The following PALM2AKAP2 variants were observed in gnomAD, a reference collection of about 807,000 sequenced individuals.
The protein encoded by PALM2AKAP2 is PALM2 and AKAP2 fusion.
PALM2AKAP2 carries 37 observed loss-of-function variants against 71.5 expected under a neutral mutation model. The observed-to-expected ratio is 0.52, with a 90% CI of 0.40 to 0.68. The LOEUF (loss-of-function observed/expected upper bound fraction) is 0.68. PALM2AKAP2 is among the 30% of genes least tolerant of loss of function. The pLI, the probability that PALM2AKAP2 is intolerant of heterozygous loss-of-function variation, is 0.00. For missense variants in PALM2AKAP2, 1,224 were observed against 1,191.8 expected, an observed-to-expected ratio of 1.03 and a Z score of -0.40; for synonymous variants, 468 against 478.8, an observed-to-expected ratio of 0.98 and a Z score of 0.29.
intron 3 of PALM2AKAP2, among the ~76,000 whole-genome samples, chr9:110,160,580 G>A (rs569833874): frequency 1.3e-5 from 2 of 152,282 alleles, no homozygotes; most frequent in South Asian, 4.1e-4. Flanking sequence ...TGATTCATTA[G>A]TCCATCCTGA....
chr9:110,020,886 T>C (rs1420964486), intron 7 of PALM2AKAP2, among the ~76,000 whole-genome samples: 1 of 152,030 alleles, frequency 6.6e-6, no homozygotes. Flanking sequence ...GGTGGGTAGA[T>C]CACTTGAGGC....
At chr9:110,003,009 G>A (rs1193166812) in intron 6 of PALM2AKAP2, among the ~76,000 whole-genome samples, 1 of 152,084 alleles carries the variant, frequency 6.6e-6, no homozygotes, top group Non-Finnish European at 1.5e-5. Flanking sequence ...TTTTTTGAAG[G>A]GTTTTTTGTG....
intron 1 of PALM2AKAP2, among the ~76,000 whole-genome samples, chr9:110,088,869 G>T (rs1834641177): frequency 2.0e-5 from 3 of 151,768 alleles, no homozygotes; most frequent in Non-Finnish European, 4.4e-5. Context: ...ACAGCTTCAA[G>T]CCACCACGCC....
rs560818793 is a variant in PALM2AKAP2 at position 110,015,085 on chromosome 9, A to G, written c.497-869A>G. Among the ~76,000 whole-genome samples, 6 of 152,148 alleles carry G rather than the reference A, an allele frequency of 3.9e-5. No individual in the cohort carries two copies. The South Asian group carries it at 1.0e-3, about 26-fold the overall frequency. Reference sequence around the variant, plus strand: ...GAGACAATCGGGTAGCTTTAGAAGAAAGAAACATTAGCATTTCTAAAGACT... The same window carrying G: ...GAGACAATCGGGTAGCTTTAGAAGAGAGAAACATTAGCATTTCTAAAGACT... On this transcript the variant is annotated intron_variant, in intron 6 of 9. Transcript: ENST00000302798.
chr9:109,881,335 C>CT (rs1398230768), intron 3 of PALM2AKAP2, among the ~76,000 whole-genome samples: 9 of 152,290 alleles, frequency 5.9e-5, no homozygotes, highest in African/African-American at 2.2e-4. Flanking sequence ...TAGGTGCTCC[C>CT]TTTGAGTTCT....
At chr9:109,863,024 A>AAGG in intron 1 of PALM2AKAP2, 1 of 463,884 alleles carries the variant, frequency 2.2e-6, no homozygotes, top group Non-Finnish European at 4.3e-6. Flanking sequence ...CACTGTAGGC[A>AAGG]ATGGGGAGAC....
chr9:110,060,093 A>ATTTTGT lies in PALM2AKAP2; in HGVS notation c.156+11272_156+11277dup, dbSNP rs74631739. Among the ~76,000 whole-genome samples the ATTTTGT allele has an allele frequency of 5.4e-3, 814 of 150,502 alleles. 5 individuals carry two copies. Among genetic ancestry groups the ATTTTGT allele is most frequent in the African/African-American group, 0.016 (667 of 40,956 alleles). ...TTGAATGCCCTCTGTGGGGCCAGGT[A>ATTTTGT]TTTTGTTTTTGTTTTTGTTTTTGTT... On this transcript the variant is annotated intron_variant, in intron 1 of 3. Coordinates refer to ENST00000374525, the Ensembl canonical transcript of PALM2AKAP2.
At position 110,097,507 on chromosome 9, in the gene PALM2AKAP2, C is replaced by T. The variant is rs574964382; in HGVS notation, c.157-38620C>T. On this transcript the variant is annotated intron_variant, in intron 1 of 3. Transcript: ENST00000374525. The stretch of plus-strand genomic sequence containing the variant: ...GGGGTGGTGGCCGGGCAGAGACGCT[C>T]CTCACATCCCGGACGGGGCGACAGG... Among the ~76,000 whole-genome samples, 10 of 152,252 alleles carry T rather than the reference C, an allele frequency of 6.6e-5. No individual in the cohort carries two copies. In the East Asian group the frequency reaches 1.7e-3, roughly 26 times the overall value.
chr9:109,659,951 C>T (rs1232715371), intron 1 of PALM2AKAP2, among the ~76,000 whole-genome samples: 1 of 152,092 alleles, frequency 6.6e-6, no homozygotes, highest in Non-Finnish European at 1.5e-5. Context: ...AGTGATTCCC[C>T]TCCCTCAGTA....
intron 6 of PALM2AKAP2, among the ~76,000 whole-genome samples, chr9:109,934,824 A>T (rs1831184946): frequency 6.6e-6 from 1 of 152,226 alleles, no homozygotes; most frequent in Non-Finnish European, 1.5e-5. Flanking sequence ...CTATACATAT[A>T]CTACTTCACC....
At position 110,137,679 on chromosome 9, in the gene PALM2AKAP2, G is replaced by T. The variant is rs1372988632; in HGVS notation, c.1709G>T (p.Arg570Met). Residue 570 changes from arginine (R) to methionine (M), a missense_variant, in exon 2 of 4, where the codon AGG becomes ATG. Physicochemically the swap from Arg to Met is moderately conservative, Grantham distance 91. Transcript: ENST00000374525. ...TCTGGTCTGGACGAATTGTCGGTGAGGTCTCAGGATACCACAGTCCTGGAG... is the reference window on the plus strand; with the variant it reads ...TCTGGTCTGGACGAATTGTCGGTGATGTCTCAGGATACCACAGTCCTGGAG... 1.9e-6 allele frequency: 3 copies of T among 1,614,102 alleles called. No individual in the cohort carries two copies. The African/African-American group carries it at 4.0e-5, about 22-fold the overall frequency.
chr9:109,821,316 G>C (rs995922107), intron 1 of PALM2AKAP2, among the ~76,000 whole-genome samples: 1 of 152,098 alleles, frequency 6.6e-6, no homozygotes, highest in South Asian at 2.1e-4. Context: ...ATGTACCCTA[G>C]AACTGAAATT....
At chr9:109,953,985 T>C (rs1392830328) in intron 6 of PALM2AKAP2, among the ~76,000 whole-genome samples, 1 of 152,080 alleles carries the variant, frequency 6.6e-6, no homozygotes, top group Non-Finnish European at 1.5e-5. Flanking sequence ...AAGCAAATGC[T>C]CTGTTAATTA....
At chr9:109,807,175 AG>A (rs1371834484) in intron 1 of PALM2AKAP2, among the ~76,000 whole-genome samples, 1 of 152,192 alleles carries the variant, frequency 6.6e-6, no homozygotes, top group Non-Finnish European at 1.5e-5. Flanking sequence ...AATGTGCCAA[AG>A]GTTTTGAGGT....
At chr9:109,641,046 G>T (rs999921182) in intron 1 of PALM2AKAP2, among the ~76,000 whole-genome samples, 3 of 152,232 alleles carry the variant, frequency 2.0e-5, no homozygotes, top group Non-Finnish European at 4.4e-5. Flanking sequence ...AGGGGTGGGA[G>T]CCCCGGGTGG....
intron 1 of PALM2AKAP2, among the ~76,000 whole-genome samples, chr9:110,091,742 G>C (rs974321251): frequency 6.6e-6 from 1 of 152,112 alleles, no homozygotes; most frequent in African/African-American, 2.4e-5. Context: ...GATTACAGGT[G>C]TGAGCCACCG....
intron 6 of PALM2AKAP2, among the ~76,000 whole-genome samples, chr9:109,997,058 A>T (rs529416584): frequency 6.6e-6 from 1 of 152,086 alleles, no homozygotes; most frequent in African/African-American, 2.4e-5. Context: ...GCGTGGTGGC[A>T]TGTACTTATA....
intron 1 of PALM2AKAP2, among the ~76,000 whole-genome samples, chr9:109,801,708 A>ATATG (rs1827435051): frequency 6.7e-6 from 1 of 149,206 alleles, no homozygotes; most frequent in African/African-American, 2.5e-5. Context: ...AGGTGTTGAT[A>ATATG]TGTGTGTGTG....
chr9:109,864,596 C>G lies in PALM2AKAP2; in HGVS notation c.46-2895C>G, dbSNP rs557976712. On this transcript the variant is annotated intron_variant, in intron 1 of 9. Coordinates refer to the PALM2AKAP2 transcript ENST00000302798. ...GCAAACTAGGACCCGTGGGCCAAAT[C>G]TGGCCCACTACCTGTGTTTGCAAAT... Among the ~76,000 whole-genome samples, 37 of 152,314 alleles carry G rather than the reference C, an allele frequency of 2.4e-4. 1 individual carries two copies. In the South Asian group the frequency reaches 5.4e-3, roughly 22 times the overall value.
Sources: gnomAD v4.1 joint callset for allele counts (sites outside exome capture counted in the v4.1 genomes callset) on GRCh38, gnomAD v4.1.1 for gene constraint, MANE v1.5 for transcripts, NCBI Gene and HGNC (gene_info 2026-07-23, HGNC 2026-07-21) for gene names.